The following PCDH7 variants were observed in gnomAD, a reference collection of about 807,000 sequenced individuals.
The protein encoded by PCDH7 is protocadherin-7.
A neutral mutation model predicts 58.9 loss-of-function variants in PCDH7; 17 were observed. The observed-to-expected ratio is 0.29, with a 90% CI of 0.20 to 0.43. PCDH7 has a LOEUF of 0.43. Ranked by LOEUF, PCDH7 falls within the 20% of genes least tolerant of loss-of-function variation. The pLI, the probability that PCDH7 is intolerant of heterozygous loss-of-function variation, is 1.00. For synonymous variants in PCDH7, 664 were observed against 616.4 expected (o/e 1.08, Z -1.14); for missense variants, 1,274 against 1,441.0 (o/e 0.88, Z 1.88).
At chr4:31,000,449 C>G (rs1273584277) in intron 3 of PCDH7, among the ~76,000 whole-genome samples, 1 of 152,050 alleles carries the variant, frequency 6.6e-6, no homozygotes, top group African/African-American at 2.4e-5. Flanking sequence ...GAATAGATTG[C>G]TATATTTCAC....
At chr4:30,998,842 G>T (rs528898523) in intron 3 of PCDH7, among the ~76,000 whole-genome samples, 2 of 152,150 alleles carry the variant, frequency 1.3e-5, no homozygotes, top group African/African-American at 4.8e-5. Flanking sequence ...AGAAGAGTTA[G>T]GTTAGGCCAA....
intron 3 of PCDH7, among the ~76,000 whole-genome samples, chr4:31,015,871 A>G (rs1753567608): frequency 6.6e-6 from 1 of 152,200 alleles, no homozygotes; most frequent in African/African-American, 2.4e-5. Context: ...TTTAACACAT[A>G]AAATGTCAAT....
At chr4:31,006,030 T>C (rs1265712211) in intron 3 of PCDH7, among the ~76,000 whole-genome samples, 1 of 152,174 alleles carries the variant, frequency 6.6e-6, no homozygotes, top group African/African-American at 2.4e-5. Context: ...TTCATATAGC[T>C]GTCAGGAGAA....
chr4:30,849,421 G>A (rs1732420670), intron 1 of PCDH7, among the ~76,000 whole-genome samples: 1 of 152,124 alleles, frequency 6.6e-6, no homozygotes, highest in African/African-American at 2.4e-5. Context: ...CCCATTTCGT[G>A]TTACTTTCAG....
chr4:30,754,300 T>G (rs2109261846), intron 1 of PCDH7, among the ~76,000 whole-genome samples: 1 of 152,262 alleles, frequency 6.6e-6, no homozygotes, highest in South Asian at 2.1e-4. Flanking sequence ...AATATACAGA[T>G]AATTCCCAAG....
At chr4:30,780,781 T>C (rs1484516264) in intron 1 of PCDH7, among the ~76,000 whole-genome samples, 1 of 152,174 alleles carries the variant, frequency 6.6e-6, no homozygotes, top group African/African-American at 2.4e-5. Flanking sequence ...TGTTTTTTCT[T>C]AGTATACTCG....
downstream of PCDH7, among the ~76,000 whole-genome samples, chr4:30,734,184 T>G (rs1283852158): frequency 1.3e-5 from 2 of 152,214 alleles, no homozygotes; most frequent in Non-Finnish European, 2.9e-5. Flanking sequence ...TTCTTTGATG[T>G]GCGTGACTTT....
intron 3 of PCDH7, among the ~76,000 whole-genome samples, chr4:31,077,105 G>A (rs1307033870): frequency 1.3e-5 from 2 of 152,050 alleles, no homozygotes; most frequent in Admixed American, 6.6e-5. Context: ...AAATCTGATG[G>A]TATTATGCAT....
At chr4:30,821,095 T>G (rs1195256571) in intron 1 of PCDH7, among the ~76,000 whole-genome samples, 1 of 152,138 alleles carries the variant, frequency 6.6e-6, no homozygotes, top group African/African-American at 2.4e-5. Flanking sequence ...GTGAGATAGG[T>G]ACTGTTATTT....
At chr4:30,915,740 T>C (rs1204558941) in intron 1 of PCDH7, among the ~76,000 whole-genome samples, 2 of 152,206 alleles carry the variant, frequency 1.3e-5, no homozygotes, top group East Asian at 1.9e-4. Context: ...GCCAGGATGG[T>C]CTCAATCTCT....
intron 1 of PCDH7, among the ~76,000 whole-genome samples, chr4:30,818,689 T>C (rs1727991397): frequency 6.6e-6 from 1 of 152,166 alleles, no homozygotes; most frequent in Non-Finnish European, 1.5e-5. Flanking sequence ...GCACTGTTTT[T>C]CCAATATATG....
At chr4:31,098,434 T>A (rs1046284492) in intron 3 of PCDH7, among the ~76,000 whole-genome samples, 2 of 152,184 alleles carry the variant, frequency 1.3e-5, no homozygotes, top group African/African-American at 4.8e-5. Context: ...CACCCTGCCA[T>A]GTAATGTTCT....
chr4:30,743,651 G>A (rs1272518872), intron 1 of PCDH7, among the ~76,000 whole-genome samples: 1 of 151,880 alleles, frequency 6.6e-6, no homozygotes, highest in Non-Finnish European at 1.5e-5. Flanking sequence ...ATCGGCCTCT[G>A]AGGAAAATCC....
chr4:30,947,596 T>G (rs1408944173), intron 2 of PCDH7, among the ~76,000 whole-genome samples: 1 of 152,194 alleles, frequency 6.6e-6, no homozygotes, highest in African/African-American at 2.4e-5. Flanking sequence ...ATATAATAAT[T>G]TATAGTGTAC....
chr4:30,996,916 G>A (rs1264009527), intron 3 of PCDH7, among the ~76,000 whole-genome samples: 3 of 151,968 alleles, frequency 2.0e-5, no homozygotes. Context: ...TTGTTTTCTT[G>A]CTTTCAGTAA....
At chr4:30,892,021 G>C (rs966006343) in intron 1 of PCDH7, among the ~76,000 whole-genome samples, 1 of 151,934 alleles carries the variant, frequency 6.6e-6, no homozygotes, top group African/African-American at 2.4e-5. Context: ...TAATCGCCTT[G>C]TATATAGATA....
chr4:30,724,535 C>T, exon 1 of PCDH7: 1 of 1,614,100 alleles, frequency 6.2e-7, no homozygotes, highest in Non-Finnish European at 8.5e-7. Flanking sequence ...GACAACATTT[C>T]AATTGGATCA....
At chr4:31,104,172 T>C (rs1282297951) in intron 3 of PCDH7, among the ~76,000 whole-genome samples, 1 of 152,210 alleles carries the variant, frequency 6.6e-6, no homozygotes, top group Non-Finnish European at 1.5e-5. Context: ...TTTTTCAGTA[T>C]ACTGTGAGCT....
intron 3 of PCDH7, among the ~76,000 whole-genome samples, chr4:30,993,424 CATA>C (rs1256793737): frequency 6.6e-6 from 1 of 152,162 alleles, no homozygotes; most frequent in East Asian, 1.9e-4. Flanking sequence ...TGAGTTAAAA[CATA>C]AACAGAAGGA....
Sources: allele counts gnomAD v4.1 joint callset (sites outside exome capture counted in the v4.1 genomes callset), GRCh38; gene constraint gnomAD v4.1.1; transcripts MANE v1.5; gene names NCBI Gene and HGNC (gene_info 2026-07-23, HGNC 2026-07-21).